Variants in IMMP2L observed in about 807,000 individuals in gnomAD.
The protein encoded by IMMP2L is inner mitochondrial membrane peptidase subunit 2.
A neutral mutation model predicts 19.3 loss-of-function variants in IMMP2L; 18 were observed. The observed-to-expected ratio is 0.93, with a 90% CI of 0.64 to 1.38. The LOEUF is 1.38. IMMP2L is among the 40% of genes most tolerant of loss of function. IMMP2L has a pLI of 0.00. For missense variants in IMMP2L, 233 were observed against 218.2 expected (o/e 1.07, Z -0.43); for synonymous variants, 76 against 73.0 (o/e 1.04, Z -0.21).
At chr7:111,155,977 G>A (rs1212725779) in intron 3 of IMMP2L, among the ~76,000 whole-genome samples, 5 of 152,022 alleles carry the variant, frequency 3.3e-5, no homozygotes, top group African/African-American at 1.2e-4. Flanking sequence ...ACTATTTTGT[G>A]TTTGACTTAT....
intron 5 of IMMP2L, among the ~76,000 whole-genome samples, chr7:110,677,659 T>A (rs1373386467): frequency 6.6e-6 from 1 of 151,928 alleles, no homozygotes; most frequent in Non-Finnish European, 1.5e-5. Flanking sequence ...GAGCATCACG[T>A]GCCAAAGAAC....
At chr7:110,819,382 C>T (rs1802828313) in intron 5 of IMMP2L, among the ~76,000 whole-genome samples, 1 of 152,032 alleles carries the variant, frequency 6.6e-6, no homozygotes, top group Non-Finnish European at 1.5e-5. Flanking sequence ...CTTTACCCTA[C>T]ATGAACTGTG....
chr7:110,910,441 G>A, intron 4 of IMMP2L, among the ~76,000 whole-genome samples: 1 of 152,114 alleles, frequency 6.6e-6, no homozygotes, highest in Admixed American at 6.6e-5. Flanking sequence ...CTACCATGTG[G>A]TCAAATGCAG....
Position 110,663,665 on chromosome 7 carries a change from G to A in IMMP2L, c.465C>T (p.Arg155=). The change falls in exon 6 of 6, where the codon CGC becomes CGT. Residue 155 remains arginine (R), a synonymous_variant. Transcript: ENST00000405709. ...GAAGAACAGATTCCAATTTCTGCCA[G>A]CGCTCTGGGGGCCACAGGATATGTG... ...HATHILWPPE[R]WQKLESVLPP... is the part of the protein sequence containing the mutation. 1 of 1,610,570 alleles carries A rather than the reference G, an allele frequency of 6.2e-7. No homozygotes were observed. Among genetic ancestry groups the A allele is most frequent in the Non-Finnish European group, 8.5e-7 (1 of 1,177,700 alleles).
In IMMP2L at chr7:111,082,252, C is replaced by A. The variant is rs75754393; in HGVS notation, c.240-118687G>T. On this transcript the variant is annotated intron_variant, in intron 3 of 5. Coordinates refer to ENST00000405709, the MANE Select transcript of IMMP2L (RefSeq NM_032549.4). Reference sequence around the variant, plus strand: ...CCTGCTTTTTCTATATGTCACACTTCTCAGTGAGACCCTAACAAGAGCAGG... The same window carrying A: ...CCTGCTTTTTCTATATGTCACACTTATCAGTGAGACCCTAACAAGAGCAGG... Among the ~76,000 whole-genome samples, 5 of 152,292 alleles carry A rather than the reference C, an allele frequency of 3.3e-5. No homozygotes were observed. In the East Asian group the frequency reaches 9.6e-4, roughly 29 times the overall value.
chr7:111,317,674 A>G (rs975073711), intron 3 of IMMP2L, among the ~76,000 whole-genome samples: 1 of 152,170 alleles, frequency 6.6e-6, no homozygotes, highest in South Asian at 2.1e-4. Flanking sequence ...GGAGACCATT[A>G]TAAGGCTGCT....
chr7:110,665,930 A>G (rs1261775449), intron 5 of IMMP2L, among the ~76,000 whole-genome samples: 1 of 152,214 alleles, frequency 6.6e-6, no homozygotes, highest in Non-Finnish European at 1.5e-5. Context: ...GATTACAAAA[A>G]TAATGATTTT....
chr7:111,257,328 A>C (rs1164399669), intron 3 of IMMP2L, among the ~76,000 whole-genome samples: 1 of 152,146 alleles, frequency 6.6e-6, no homozygotes, highest in Non-Finnish European at 1.5e-5. Context: ...ATCATTCTGT[A>C]GGACAGACTG....
intron 3 of IMMP2L, among the ~76,000 whole-genome samples, chr7:111,476,475 G>C (rs1376480632): frequency 6.6e-6 from 1 of 152,028 alleles, no homozygotes; most frequent in Non-Finnish European, 1.5e-5. Context: ...CAGCAAATTT[G>C]GCGGTTTAAA....
chr7:111,030,910 AT>A (rs1563176392), intron 3 of IMMP2L, among the ~76,000 whole-genome samples: 5 of 105,730 alleles, frequency 4.7e-5, no homozygotes, highest in African/African-American at 1.5e-4. Flanking sequence ...ATATATATAT[AT>A]ATATATATAT....
intron 3 of IMMP2L, among the ~76,000 whole-genome samples, chr7:111,038,786 T>C (rs1791598669): frequency 6.6e-6 from 1 of 152,172 alleles, no homozygotes; most frequent in African/African-American, 2.4e-5. Flanking sequence ...AGTTAAAAAT[T>C]AAAGGGGATA....
intron 5 of IMMP2L, among the ~76,000 whole-genome samples, chr7:110,729,895 T>C (rs1308221491): frequency 6.6e-6 from 1 of 151,838 alleles, no homozygotes; most frequent in Non-Finnish European, 1.5e-5. Context: ...CTGCACATCC[T>C]GCACATGTAC....
intron 3 of IMMP2L, among the ~76,000 whole-genome samples, chr7:111,148,010 A>C (rs1010122169): frequency 6.6e-6 from 1 of 152,080 alleles, no homozygotes; most frequent in Non-Finnish European, 1.5e-5. Flanking sequence ...CTAGGTATAC[A>C]CCCCAAGAGT....
intron 3 of IMMP2L, among the ~76,000 whole-genome samples, chr7:111,041,524 T>C (rs1791897660): frequency 6.6e-6 from 1 of 151,474 alleles, no homozygotes; most frequent in African/African-American, 2.4e-5. Flanking sequence ...GTTAAACTCT[T>C]TTTGATATTC....
intron 3 of IMMP2L, among the ~76,000 whole-genome samples, chr7:111,386,362 G>T (rs549139225): frequency 2.4e-4 from 36 of 152,090 alleles, no homozygotes; most frequent in Non-Finnish European, 4.4e-4. Context: ...TTAAGATAAG[G>T]CAAATACTTT....
Position 110,888,365 on chromosome 7 carries a change from A to G in IMMP2L, c.306-1670T>C, listed in dbSNP as rs1261552265. Reference sequence around the variant, plus strand: ...TGACAAAGAGAATATCCTTTTACTTAATTGTTGGCAAGGCATACTCTCCAA... The same window carrying G: ...TGACAAAGAGAATATCCTTTTACTTGATTGTTGGCAAGGCATACTCTCCAA... On this transcript the variant is annotated intron_variant, in intron 4 of 5. Transcript: ENST00000405709. Among the ~76,000 whole-genome samples, 5 of 152,290 alleles carry G rather than the reference A, an allele frequency of 3.3e-5. No homozygotes were observed. In the East Asian group the frequency reaches 9.6e-4, roughly 29 times the overall value.
intron 1 of IMMP2L, among the ~76,000 whole-genome samples, chr7:111,522,933 A>ATATATT (rs1846489391): frequency 2.0e-5 from 3 of 150,454 alleles, no homozygotes; most frequent in Admixed American, 2.0e-4. Context: ...ATACATATAT[A>ATATATT]TATATTATTT....
chr7:111,299,904 T>C (rs189447714), intron 3 of IMMP2L, among the ~76,000 whole-genome samples: 1 of 144,972 alleles, frequency 6.9e-6, no homozygotes, highest in East Asian at 2.0e-4. Context: ...GCTGCATCCT[T>C]GCTGACGAAA....
At chr7:111,444,873 A>G (rs1838149144) in intron 3 of IMMP2L, among the ~76,000 whole-genome samples, 1 of 152,096 alleles carries the variant, frequency 6.6e-6, no homozygotes. Context: ...GTCCCTTCCT[A>G]CTGTCCTTCA....
Sources: gnomAD v4.1 joint callset for allele counts (sites outside exome capture counted in the v4.1 genomes callset) on GRCh38, gnomAD v4.1.1 for gene constraint, MANE v1.5 for transcripts, NCBI Gene and HGNC (gene_info 2026-07-23, HGNC 2026-07-21) for gene names.